FRRS1: variants seen among roughly 807,000 people sequenced by gnomAD.
FRRS1 encodes ferric chelate reductase 1, also known as ferric reductase 1.
Under a neutral mutation model 70.7 loss-of-function variants are expected in FRRS1, and 51 were observed. The observed-to-expected ratio is 0.72, with a 90% CI of 0.58 to 0.91. The LOEUF is 0.91. Among genes scored for constraint, FRRS1 ranks in the 40% least tolerant of loss-of-function variants. The pLI is 0.00. For missense variants in FRRS1, 672 were observed against 726.0 expected (o/e 0.93, Z 0.86); for synonymous variants, 225 against 238.7 (o/e 0.94, Z 0.53).
At chr1:99,734,220 G>C (rs1418949321) in intron 7 of FRRS1, among the ~76,000 whole-genome samples, 2 of 152,104 alleles carry the variant, frequency 1.3e-5, no homozygotes, top group African/African-American at 2.4e-5. Flanking sequence ...TAAAACAAAG[G>C]ACTTTATTGG....
chr1:99,720,745 T>C (rs150854363), intron 9 of FRRS1, among the ~76,000 whole-genome samples: 4 of 152,014 alleles, frequency 2.6e-5, no homozygotes, highest in African/African-American at 4.8e-5. Context: ...TCAAGATGTA[T>C]AACAATAAAG....
At position 99,742,235 on chromosome 1, in the gene FRRS1, T is replaced by C; in HGVS notation, c.372A>G (p.Thr124=). The change falls in exon 5 of 17, where the codon ACA becomes ACG. Residue 124 remains threonine, a synonymous_variant. Coordinates refer to ENST00000646001, the MANE Select transcript of FRRS1 (RefSeq NM_001361041.2). ...AVSHRSASKK[T]EIKVYWNAPS... is the part of the protein sequence containing the mutation. ...GAGCATTCCAGTAGACTTTAATTTC[T>C]GTTTTTTTAGATGCACTTCTGTGAC... The C allele has an allele frequency of 6.2e-7, 1 of 1,612,316 alleles. No homozygotes were observed. Among genetic ancestry groups the C allele is most frequent in the Non-Finnish European group, 8.5e-7 (1 of 1,178,326 alleles).
chr1:99,742,082 T>C lies in FRRS1; in HGVS notation c.428+97A>G, dbSNP rs934779558. 10 of 740,552 alleles carry C rather than the reference T, an allele frequency of 1.4e-5. No homozygotes were observed. The East Asian group carries it at 2.5e-4, about 19-fold the overall frequency. 45.9% of individuals were successfully genotyped at this position (740,552 alleles called of 1,614,324 possible). ...GTTGCCCAGGCCAGTCTCAAAATCC[T>C]GGGCTCAAGTGATCCACCACCTTGG... On this transcript the variant is annotated intron_variant, in intron 5 of 16. Transcript: ENST00000646001.
At chr1:99,747,096 T>C (rs1433341820) in intron 4 of FRRS1, among the ~76,000 whole-genome samples, 198 bp downstream of exon 4, 1 of 112,674 alleles carries the variant, frequency 8.9e-6, no homozygotes, top group African/African-American at 6.6e-5. Flanking sequence ...ATTGTAAGAA[T>C]ACAGTATATA....
chr1:99,736,573 A>T (rs1406945002), intron 7 of FRRS1, among the ~76,000 whole-genome samples: 1 of 138,972 alleles, frequency 7.2e-6, no homozygotes, highest in African/African-American at 3.0e-5. Context: ...GAACAATGAG[A>T]ACACATGGAC....
At chr1:99,763,869 A>C (rs1404771418) in intron 1 of FRRS1, among the ~76,000 whole-genome samples, 1 of 43,638 alleles carries the variant, frequency 2.3e-5, no homozygotes, top group Non-Finnish European at 3.4e-5. Flanking sequence ...ACTCTGTCTC[A>C]AAAAAAAAAA....
chr1:99,756,104 C>A (rs762548523), intron 1 of FRRS1, among the ~76,000 whole-genome samples: 8 of 152,082 alleles, frequency 5.3e-5, no homozygotes, highest in Non-Finnish European at 1.0e-4. Flanking sequence ...TTAAAATTAT[C>A]GACTGTCAAC....
rs1654043840 is a variant in FRRS1 at position 99,706,614 on chromosome 1, C to A, written c.*2414G>T. On this transcript the variant is annotated 3_prime_UTR_variant, in exon 17 of 17. Transcript: ENST00000646001. ...ATCTTTCCCTTAAAAGAATTTTCAG[C>A]TGGGCACAGTGGCTCGTGCCTGTAA... 6.6e-6 allele frequency among the ~76,000 whole-genome samples: 1 copy of A among 152,164 alleles called. No individual in the cohort carries two copies. The highest frequency in any genetic ancestry group is 2.4e-5 in the African/African-American group (1 of 41,434).
chr1:99,713,622 G>A (rs573718652), intron 12 of FRRS1, among the ~76,000 whole-genome samples: 119 of 152,284 alleles, frequency 7.8e-4, no homozygotes, highest in Non-Finnish European at 1.3e-3. Context: ...AACTGGAAAA[G>A]CATAATAAAA....
rs1654056773 is a variant in FRRS1, at chr1:99,707,130, T to C, written c.*1898A>G. ...TCATATCTAAGCCCTAAGCCACTTA[T>C]GATAAACACCTATAAAAGGAACAAA... On this transcript the variant is annotated 3_prime_UTR_variant, in exon 17 of 17. Transcript: ENST00000646001. Among the ~76,000 whole-genome samples, 2 of 152,122 alleles carry C rather than the reference T, an allele frequency of 1.3e-5. No individual in the cohort carries two copies. The highest frequency in any genetic ancestry group is 6.5e-5 in the Admixed American group (1 of 15,270).
chr1:99,744,801 A>G (rs950308856), intron 4 of FRRS1, among the ~76,000 whole-genome samples: 2 of 150,694 alleles, frequency 1.3e-5, no homozygotes, highest in Non-Finnish European at 3.0e-5. Flanking sequence ...TAATAACAAT[A>G]ATAATAATAA....
chr1:99,729,021 G>A (rs1235541460), intron 8 of FRRS1, among the ~76,000 whole-genome samples: 1 of 152,246 alleles, frequency 6.6e-6, no homozygotes, highest in Non-Finnish European at 1.5e-5. Context: ...CAACTGGGGA[G>A]AAGTTCCAAG....
In FRRS1 at chr1:99,761,191, A is replaced by G. The variant is rs541143372; in HGVS notation, c.-106+5416T>C. Among the ~76,000 whole-genome samples, 241 of 152,072 alleles carry G rather than the reference A, an allele frequency of 1.6e-3. 1 individual carries two copies. The highest frequency in any genetic ancestry group is 5.4e-3 in the African/African-American group (222 of 41,486). ...GCCCAGGATGGAGAGCAGTGGTGCA[A>G]TCTCGGCTCACTACAACCTCCACGT... is the stretch of plus-strand genomic sequence containing the variant. On this transcript the variant is annotated intron_variant, in intron 1 of 16. Transcript: ENST00000646001.
chr1:99,720,324 CA>C (rs1444119489), intron 9 of FRRS1, among the ~76,000 whole-genome samples: 1 of 151,870 alleles, frequency 6.6e-6, no homozygotes, highest in Non-Finnish European at 1.5e-5. Flanking sequence ...TCTATCTTAC[CA>C]AAGATATATG....
chr1:99,738,412 AC>A, intron 6 of FRRS1, 144 bp from the exon 7 acceptor site: 1 of 571,610 alleles, frequency 1.7e-6, no homozygotes, highest in East Asian at 2.9e-5. Context: ...AAATAAGGAA[AC>A]AAAAGACACA....
chr1:99,717,799 A>G (rs1202648889), intron 10 of FRRS1, among the ~76,000 whole-genome samples: 2 of 152,220 alleles, frequency 1.3e-5, no homozygotes, highest in African/African-American at 4.8e-5. Context: ...GATTATGAAT[A>G]GCAAAACTAT....
Position 99,712,156 on chromosome 1 carries a change from T to C in FRRS1, c.1429A>G (p.Met477Val). 6 of 1,608,572 alleles carry C rather than the reference T, an allele frequency of 3.7e-6. No individual in the cohort carries two copies. Among genetic ancestry groups the C allele is most frequent in the Non-Finnish European group, 5.1e-6 (6 of 1,175,670 alleles). ...RPPLHDPRRQMFNWTHWSMGT... is the reference protein window; with the variant it reads ...RPPLHDPRRQVFNWTHWSMGT... ...ATACTCCAATGAGTCCAGTTAAACA[T>C]TTGCCTTCTACCAAAATAAGAACCA... is the stretch of plus-strand genomic sequence containing the variant. The change falls in exon 14 of 17, where the codon ATG (methionine) becomes GTG (valine). Residue 477 changes from methionine to valine, a missense_variant. By Grantham distance (21) the Met-to-Val change is conservative. Coordinates refer to ENST00000646001, the MANE Select transcript of FRRS1 (RefSeq NM_001361041.2).
intron 14 of FRRS1, among the ~76,000 whole-genome samples, chr1:99,711,180 TTGCGTAATAA>T (rs1339588242): frequency 6.6e-6 from 1 of 152,186 alleles, no homozygotes. Flanking sequence ...TTAGGGCATA[TTGCGTAATAA>T]TGCTGGAGTT....
chr1:99,737,888 G>C lies in FRRS1; in HGVS notation c.759+198C>G, dbSNP rs186873804. Reference sequence around the variant, plus strand: ...CTCCCGTGCAGCCGGGATTACAAGCGCCCGCCACGACGCTAGGCTAATTTT... The same window carrying C: ...CTCCCGTGCAGCCGGGATTACAAGCCCCCGCCACGACGCTAGGCTAATTTT... On this transcript the variant is annotated intron_variant, in intron 7 of 16. Coordinates refer to ENST00000646001, the MANE Select transcript of FRRS1 (RefSeq NM_001361041.2). Among the ~76,000 whole-genome samples, 1,063 of 152,062 alleles carry C rather than the reference G, an allele frequency of 7.0e-3. 10 individuals carry two copies. The highest frequency in any genetic ancestry group is 0.024 in the African/African-American group (994 of 41,462).
Sources: gnomAD v4.1 joint callset for allele counts (sites outside exome capture counted in the v4.1 genomes callset) on GRCh38, gnomAD v4.1.1 for gene constraint, MANE v1.5 for transcripts, NCBI Gene and HGNC (gene_info 2026-07-23, HGNC 2026-07-21) for gene names.